The following LHX8 variants were observed in gnomAD, a reference collection of about 807,000 sequenced individuals.
LHX8 encodes LIM/homeobox protein Lhx8.
LHX8 carries 12 observed loss-of-function variants against 40.3 expected under a neutral mutation model. That is an observed-to-expected ratio of 0.30 (90% CI 0.19 to 0.48). The LOEUF (loss-of-function observed/expected upper bound fraction) is 0.48. Ranked by LOEUF, LHX8 falls within the 20% of genes least tolerant of loss-of-function variation. The probability of loss-of-function intolerance (pLI) is 0.99; values close to 1 mark genes in which losing one functional copy is unlikely to be tolerated. For missense variants in LHX8, 344 were observed against 433.7 expected (o/e 0.79, Z 1.84); for synonymous variants, 179 against 162.0 (o/e 1.10, Z -0.80).
chr1:75,190,586 C>T, the LHX8 span, among the ~76,000 whole-genome samples: 1 of 152,046 alleles, frequency 6.6e-6, no homozygotes, highest in South Asian at 2.1e-4. Flanking sequence ...AATAACTGCT[C>T]AAAGTAATAA....
At chr1:75,196,434 G>A in the LHX8 span, among the ~76,000 whole-genome samples, 3 of 152,082 alleles carry the variant, frequency 2.0e-5, no homozygotes, top group Non-Finnish European at 2.9e-5. Flanking sequence ...AATACACATG[G>A]CACTCTTTAA....
the LHX8 span, among the ~76,000 whole-genome samples, chr1:75,197,280 A>G: frequency 2.0e-5 from 3 of 151,950 alleles, no homozygotes; most frequent in Non-Finnish European, 4.4e-5. Context: ...TTCAGATATT[A>G]TCTACTTCTC....
intron 7 of LHX8, among the ~76,000 whole-genome samples, chr1:75,151,472 C>A (rs1321137082): frequency 6.6e-6 from 1 of 152,096 alleles, no homozygotes; most frequent in African/African-American, 2.4e-5. Flanking sequence ...GAGATAAGGC[C>A]AGGAGATGGT....
At chr1:75,190,158 G>A in the LHX8 span, among the ~76,000 whole-genome samples, 1 of 152,220 alleles carries the variant, frequency 6.6e-6, no homozygotes, top group African/African-American at 2.4e-5. Flanking sequence ...TTTTAGGGTA[G>A]GATTCCTTTT....
At position 75,156,241 on chromosome 1, in the gene LHX8, TTTG is replaced by T. The variant is rs1414719091; in HGVS notation, c.781-649_781-647del. ...GTTGTTGTTGTTGTTGTTGTTTTGT[TTTG>T]TTTTGTTTTGTTTTTGAGACAGAGT... On this transcript the variant is annotated intron_variant, in intron 7 of 8. Coordinates refer to ENST00000356261, the MANE Select transcript of LHX8 (RefSeq NM_001256114.2). Among the ~76,000 whole-genome samples the T allele has an allele frequency of 6.6e-5, 10 of 151,734 alleles. No individual in the cohort carries two copies. In the East Asian group the frequency reaches 1.7e-3, roughly 26 times the overall value.
chr1:75,143,793 T>C lies in LHX8; in HGVS notation c.581-52T>C. The C allele has an allele frequency of 1.1e-5, 15 of 1,306,644 alleles. No homozygotes were observed. In the South Asian group the frequency reaches 1.7e-4, roughly 14 times the overall value. 80.9% of individuals were successfully genotyped at this position (1,306,644 alleles called of 1,614,324 possible). ...ATATAAGAAACCTGTTATTGTAAGA[T>C]GGGTGTACCCATTTGAATTACCAAC... On this transcript the variant is annotated intron_variant, in intron 5 of 8. Transcript: ENST00000356261.
chr1:75,196,617 A>G, the LHX8 span, among the ~76,000 whole-genome samples: 1 of 152,232 alleles, frequency 6.6e-6, no homozygotes, highest in Non-Finnish European at 1.5e-5. Context: ...AAGAAAGCAT[A>G]ATAGAAAACA....
rs1648372210 is a variant in LHX8, at chr1:75,143,349, A to C, written c.580+11A>C. ...GAGAAGTAGAAAATGGTAAATATGT[A>C]CTTAAATACTTTTGAGTCTTTTGAG... On this transcript the variant is annotated intron_variant, in intron 5 of 8. Coordinates refer to ENST00000356261, the MANE Select transcript of LHX8 (RefSeq NM_001256114.2). The C allele has an allele frequency of 6.3e-7, 1 of 1,588,648 alleles. No homozygotes were observed. The highest frequency in any genetic ancestry group is 1.1e-5 in the South Asian group (1 of 89,970).
chr1:75,140,483 T>C (rs1648281591), intron 3 of LHX8, among the ~76,000 whole-genome samples: 1 of 152,180 alleles, frequency 6.6e-6, no homozygotes, highest in Non-Finnish European at 1.5e-5. Flanking sequence ...AACTATCTTA[T>C]AAACCTGCAT....
intron 2 of LHX8, 148 bp from the exon 3 acceptor site, chr1:75,136,952 G>A: frequency 3.1e-6 from 3 of 961,874 alleles, no homozygotes; most frequent in Non-Finnish European, 4.5e-6. Context: ...TCGGGGAAGA[G>A]GGCGAGAATC....
chr1:75,181,143 T>A, the LHX8 span, among the ~76,000 whole-genome samples: 1 of 152,226 alleles, frequency 6.6e-6, no homozygotes, highest in African/African-American at 2.4e-5. Flanking sequence ...GGGAGGTTTC[T>A]CCAAGTTAGG....
intron 1 of LHX8, among the ~76,000 whole-genome samples, chr1:75,136,113 ATG>A (rs1648118137): frequency 6.6e-6 from 1 of 152,116 alleles, no homozygotes; most frequent in Non-Finnish European, 1.5e-5. Context: ...TAAAATATAT[ATG>A]TGTCTTGCTC....
intron 8 of LHX8, among the ~76,000 whole-genome samples, chr1:75,158,327 C>G (rs560070292): frequency 6.6e-6 from 1 of 152,246 alleles, no homozygotes; most frequent in Admixed American, 6.5e-5. Context: ...TTTTCTCCTA[C>G]TTAGTTGCTT....
At chr1:75,162,714 T>C (rs1311268926), downstream of LHX8, among the ~76,000 whole-genome samples, 1 of 152,178 alleles carries the variant, frequency 6.6e-6, no homozygotes, top group Non-Finnish European at 1.5e-5. Flanking sequence ...CTGTTAATCA[T>C]GAAAAGAGAT....
At chr1:75,155,492 C>A (rs1419558129) in intron 7 of LHX8, among the ~76,000 whole-genome samples, 3 of 152,018 alleles carry the variant, frequency 2.0e-5, no homozygotes, top group African/African-American at 4.8e-5. Flanking sequence ...CCTTGGCCTC[C>A]CAAAGTGCTG....
the LHX8 span, among the ~76,000 whole-genome samples, chr1:75,171,665 C>G: frequency 6.6e-6 from 1 of 152,136 alleles, no homozygotes; most frequent in East Asian, 1.9e-4. Context: ...AAAAATGCTA[C>G]TGAACTGTTC....
At chr1:75,150,559 G>A (rs1446497586) in intron 7 of LHX8, among the ~76,000 whole-genome samples, 1 of 152,166 alleles carries the variant, frequency 6.6e-6, no homozygotes, top group Non-Finnish European at 1.5e-5. Context: ...AGCCAGAGTT[G>A]AGGAAGGAGT....
intron 1 of LHX8, among the ~76,000 whole-genome samples, chr1:75,129,200 A>ACCT (rs1647899306): frequency 6.6e-6 from 1 of 152,208 alleles, no homozygotes; most frequent in Non-Finnish European, 1.5e-5. Context: ...AAATTCCATT[A>ACCT]CATATTTTAC....
At position 75,134,497 on chromosome 1, in the gene LHX8, G is replaced by T. The variant is rs1219189642; in HGVS notation, c.-470G>T. Among the ~76,000 whole-genome samples, 2 of 151,288 alleles carry T rather than the reference G, an allele frequency of 1.3e-5. No homozygotes were observed. Among genetic ancestry groups the T allele is most frequent in the African/African-American group, 4.9e-5 (2 of 41,104 alleles). ...CTCTTTGGACGAAGACACACTTGTA[G>T]CATTATCCTTCTCGGCATCAGCTTT... On this transcript the variant is annotated 5_prime_UTR_variant, in exon 1 of 9. Transcript: ENST00000356261.
Sources: gnomAD v4.1 joint callset for allele counts (sites outside exome capture counted in the v4.1 genomes callset) on GRCh38, gnomAD v4.1.1 for gene constraint, MANE v1.5 for transcripts, NCBI Gene and HGNC (gene_info 2026-07-23, HGNC 2026-07-21) for gene names.